Variants in USP10 observed in about 807,000 individuals in gnomAD.
USP10 encodes ubiquitin carboxyl-terminal hydrolase 10.
USP10 carries 22 observed loss-of-function variants against 84.5 expected under a neutral mutation model. The ratio of observed to expected loss-of-function variants is 0.26; its 90% confidence interval spans 0.19 to 0.37. The LOEUF is 0.37. USP10 is among the 10% of genes least tolerant of loss of function. The probability of loss-of-function intolerance (pLI) is 1.00; values close to 1 mark genes in which losing one functional copy is unlikely to be tolerated. For synonymous variants in USP10, 454 were observed against 387.6 expected (o/e 1.17, Z -2.01); for missense variants, 1,019 against 998.9 (o/e 1.02, Z -0.27).
At chr16:84,721,937 C>G (rs1907869565) in intron 1 of USP10, among the ~76,000 whole-genome samples, 1 of 152,230 alleles carries the variant, frequency 6.6e-6, no homozygotes, top group Non-Finnish European at 1.5e-5. Flanking sequence ...TCAAGTGATC[C>G]TCTCACCTTG....
chr16:84,758,321 G>A (rs902217869), intron 4 of USP10, among the ~76,000 whole-genome samples: 4 of 152,166 alleles, frequency 2.6e-5, no homozygotes, highest in Non-Finnish European at 5.9e-5. Context: ...TTTCTATCTA[G>A]TGTCTGAGGC....
intron 10 of USP10, 96 bp from the exon 11 acceptor site, chr16:84,768,097 T>A (rs2150864644): frequency 7.5e-7 from 1 of 1,325,270 alleles, no homozygotes; most frequent in East Asian, 2.5e-5. Context: ...TGATATTGAA[T>A]AATCTTATTT....
intron 3 of USP10, 132 bp downstream of exon 3, chr16:84,740,501 T>C (rs529635789): frequency 4.3e-6 from 3 of 695,626 alleles, no homozygotes; most frequent in Non-Finnish European, 7.3e-6. Context: ...CTGTAAACTG[T>C]AATGTATTTA....
chr16:84,706,943 G>C (rs1334140587), intron 1 of USP10, among the ~76,000 whole-genome samples: 2 of 152,146 alleles, frequency 1.3e-5, no homozygotes, highest in Non-Finnish European at 2.9e-5. Flanking sequence ...AAGCATTGTA[G>C]TAGTCATCAT....
In USP10 at chr16:84,727,581, A is replaced by G. The variant is rs183736503; in HGVS notation, c.22-5854A>G. On this transcript the variant is annotated intron_variant, in intron 1 of 13. Coordinates refer to ENST00000219473, the MANE Select transcript of USP10 (RefSeq NM_005153.3). ...CCCAGATGGTCCTTTACCCAGATCC[A>G]CCTGTTGTTAAGATTAAATCCATTT... 8.5e-5 allele frequency among the ~76,000 whole-genome samples: 13 copies of G among 152,362 alleles called. No homozygotes were observed. The East Asian group carries it at 1.9e-3, about 23-fold the overall frequency.
chr16:84,742,487 C>G (rs765474457), intron 3 of USP10, among the ~76,000 whole-genome samples: 2 of 152,206 alleles, frequency 1.3e-5, no homozygotes, highest in South Asian at 4.1e-4. Flanking sequence ...CTCCCTCGCC[C>G]CCTGCCTTGT....
At chr16:84,732,152 A>G (rs1389608617) in intron 1 of USP10, among the ~76,000 whole-genome samples, 5 of 152,226 alleles carry the variant, frequency 3.3e-5, no homozygotes, top group Non-Finnish European at 5.9e-5. Flanking sequence ...CCAGGAGGGT[A>G]TTACATTTAG....
At chr16:84,707,526 TTTG>T (rs1289291237) in intron 1 of USP10, among the ~76,000 whole-genome samples, 25 of 152,216 alleles carry the variant, frequency 1.6e-4, no homozygotes, top group Non-Finnish European at 5.9e-5. Flanking sequence ...ACTGGAGTAT[TTTG>T]TTGTTGTTGT....
At chr16:84,743,997 T>C (rs1267179771) in intron 3 of USP10, among the ~76,000 whole-genome samples, 1 of 152,202 alleles carries the variant, frequency 6.6e-6, no homozygotes, top group African/African-American at 2.4e-5. Flanking sequence ...GACCAAGAGA[T>C]AGAGAATTCA....
chr16:84,754,005 A>C (rs1318885716), intron 4 of USP10, among the ~76,000 whole-genome samples: 2 of 152,202 alleles, frequency 1.3e-5, no homozygotes, highest in Non-Finnish European at 2.9e-5. Flanking sequence ...TGGCAGTAAC[A>C]GGCTGAGGAC....
At chr16:84,770,512 C>T (rs1468057474) in intron 11 of USP10, among the ~76,000 whole-genome samples, 1 of 152,184 alleles carries the variant, frequency 6.6e-6, no homozygotes, top group Non-Finnish European at 1.5e-5. Context: ...GTGGCTCACA[C>T]CTGTAATCCC....
intron 7 of USP10, 33 bp from the exon 8 acceptor site, chr16:84,760,139 G>T: frequency 6.3e-7 from 1 of 1,577,856 alleles, no homozygotes; most frequent in Non-Finnish European, 8.6e-7. Flanking sequence ...GTTCATTGTA[G>T]TTAGGAAAAC....
chr16:84,708,380 G>C (rs1242112571), intron 1 of USP10, among the ~76,000 whole-genome samples: 1 of 152,144 alleles, frequency 6.6e-6, no homozygotes, highest in South Asian at 2.1e-4. Flanking sequence ...AACCCGTGGG[G>C]GCAGAGGTTG....
chr16:84,758,110 A>G (rs779102187), intron 4 of USP10, among the ~76,000 whole-genome samples: 2 of 152,224 alleles, frequency 1.3e-5, no homozygotes, highest in Non-Finnish European at 2.9e-5. Context: ...CGTGTTTGTA[A>G]ATGGAATAAG....
At chr16:84,715,147 C>G (rs547260487) in intron 1 of USP10, among the ~76,000 whole-genome samples, 18 of 152,164 alleles carry the variant, frequency 1.2e-4, no homozygotes, top group African/African-American at 4.3e-4. Flanking sequence ...CCGGTCTGGT[C>G]TCGACCTCCT....
chr16:84,765,476 C>CTTT (rs11395693), intron 10 of USP10, among the ~76,000 whole-genome samples: 17 of 144,014 alleles, frequency 1.2e-4, no homozygotes, highest in African/African-American at 4.3e-4. Flanking sequence ...GTAGTTTCGT[C>CTTT]TTTTTTTTTT....
intron 1 of USP10, among the ~76,000 whole-genome samples, chr16:84,710,668 G>C (rs1042838039): frequency 6.6e-6 from 1 of 152,182 alleles, no homozygotes; most frequent in Non-Finnish European, 1.5e-5. Context: ...AATGTTTCCT[G>C]TAGTACTTTT....
intron 12 of USP10, among the ~76,000 whole-genome samples, chr16:84,774,170 A>C (rs914238044): frequency 6.6e-6 from 1 of 151,918 alleles, no homozygotes; most frequent in Admixed American, 6.6e-5. Flanking sequence ...GAATCGCTTG[A>C]ACCTGGGAAG....
At chr16:84,744,192 T>G (rs1259496893) in intron 3 of USP10, among the ~76,000 whole-genome samples, 3 of 152,190 alleles carry the variant, frequency 2.0e-5, no homozygotes, top group Non-Finnish European at 4.4e-5. Context: ...TCACGTTAAC[T>G]ACAGAAGCTG....
Sources: gnomAD v4.1 joint callset for allele counts (sites outside exome capture counted in the v4.1 genomes callset) on GRCh38, gnomAD v4.1.1 for gene constraint, MANE v1.5 for transcripts, NCBI Gene and HGNC (gene_info 2026-07-23, HGNC 2026-07-21) for gene names.